CA10: variants seen among roughly 807,000 people sequenced by gnomAD.
CA10 encodes the protein carbonic anhydrase 10 (inactive).
A neutral mutation model predicts 44.2 loss-of-function variants in CA10; 14 were observed. The observed-to-expected ratio is 0.32, with a 90% CI of 0.21 to 0.50. CA10 has a LOEUF of 0.50. Ranked by LOEUF, CA10 falls within the 20% of genes least tolerant of loss-of-function variation. CA10 has a pLI of 0.99. For missense variants in CA10, 350 were observed against 409.7 expected (o/e 0.85, Z 1.26); for synonymous variants, 159 against 141.6 (o/e 1.12, Z -0.87).
intron 2 of CA10, among the ~76,000 whole-genome samples, chr17:52,046,429 T>A (rs1264735981): frequency 6.6e-6 from 1 of 151,764 alleles, no homozygotes; most frequent in Non-Finnish European, 1.5e-5. Flanking sequence ...ACTAAAAGGA[T>A]ATAATGAGTA....
intron 3 of CA10, among the ~76,000 whole-genome samples, chr17:51,882,387 T>C (rs1433222844): frequency 2.0e-5 from 3 of 152,156 alleles, no homozygotes; most frequent in East Asian, 3.9e-4. Flanking sequence ...CCACTTGAGA[T>C]TGCCTATCCC....
rs764012875 is a variant in CA10 at position 51,790,093 on chromosome 17, G to A, written c.280-42275C>T. ...GTTGCTGGAAATGGGAGGAGCCATCGTGCATCAGATGCTTGGACTAACCAA... is the reference window on the plus strand; with the variant it reads ...GTTGCTGGAAATGGGAGGAGCCATCATGCATCAGATGCTTGGACTAACCAA... On this transcript the variant is annotated intron_variant, in intron 3 of 8. Transcript: ENST00000451037. 1.1e-4 allele frequency among the ~76,000 whole-genome samples: 16 copies of A among 152,158 alleles called. No homozygotes were observed. The East Asian group carries it at 1.4e-3, about 13-fold the overall frequency.
At chr17:51,664,619 A>C (rs1478070723) in intron 4 of CA10, among the ~76,000 whole-genome samples, 1 of 151,590 alleles carries the variant, frequency 6.6e-6, no homozygotes, top group East Asian at 1.9e-4. Context: ...CTTTTGCCTG[A>C]GGTCTGAGCT....
At chr17:51,799,683 G>A (rs961582351) in intron 3 of CA10, among the ~76,000 whole-genome samples, 1 of 152,114 alleles carries the variant, frequency 6.6e-6, no homozygotes, top group Non-Finnish European at 1.5e-5. Flanking sequence ...TAGGGTAAAG[G>A]CTCAATAAAA....
rs75699430 is a variant in CA10 at position 52,025,766 on chromosome 17, A to C, written c.136+46553T>G. On this transcript the variant is annotated intron_variant, in intron 2 of 8. Transcript: ENST00000451037. ...GCATAAAATACCAGCCTTTTCAGCAAGTGATAGGCAACTTTGTTGATACAA... is the reference window on the plus strand; with the variant it reads ...GCATAAAATACCAGCCTTTTCAGCACGTGATAGGCAACTTTGTTGATACAA... Among the ~76,000 whole-genome samples the C allele has an allele frequency of 3.2e-3, 493 of 152,202 alleles. 11 individuals carry two copies. The East Asian group carries it at 0.05, about 16-fold the overall frequency.
At chr17:52,135,497 C>T (rs897633638) in intron 1 of CA10, among the ~76,000 whole-genome samples, 3 of 152,102 alleles carry the variant, frequency 2.0e-5, no homozygotes, top group Non-Finnish European at 2.9e-5. Context: ...CACAGGACCA[C>T]GTTTCTCCTT....
chr17:52,021,838 C>T (rs1986150586), intron 2 of CA10, among the ~76,000 whole-genome samples: 1 of 151,982 alleles, frequency 6.6e-6, no homozygotes, highest in Admixed American at 6.6e-5. Flanking sequence ...GCACAACCTT[C>T]AAATATTCAA....
intron 2 of CA10, among the ~76,000 whole-genome samples, chr17:52,070,132 A>G (rs1987640681): frequency 6.6e-6 from 1 of 152,182 alleles, no homozygotes; most frequent in Non-Finnish European, 1.5e-5. Context: ...AAAAGTTTAG[A>G]AAGTGGAATC....
At chr17:51,957,747 T>A (rs554258864) in intron 2 of CA10, among the ~76,000 whole-genome samples, 2 of 152,202 alleles carry the variant, frequency 1.3e-5, no homozygotes, top group African/African-American at 4.8e-5. Flanking sequence ...TATTCAACTA[T>A]TTTCTGCTCT....
At chr17:51,827,369 C>T (rs939108644) in intron 3 of CA10, among the ~76,000 whole-genome samples, 1 of 151,434 alleles carries the variant, frequency 6.6e-6, no homozygotes, top group African/African-American at 2.4e-5. Context: ...CACACACATA[C>T]ACACACACAC....
At chr17:51,684,215 T>C (rs1914936412) in intron 4 of CA10, among the ~76,000 whole-genome samples, 1 of 152,098 alleles carries the variant, frequency 6.6e-6, no homozygotes, top group South Asian at 2.1e-4. Flanking sequence ...CAACTGGCCA[T>C]TGCTGGCTTT....
intron 2 of CA10, among the ~76,000 whole-genome samples, chr17:51,975,365 A>G (rs1411042012): frequency 6.6e-6 from 1 of 152,244 alleles, no homozygotes; most frequent in Non-Finnish European, 1.5e-5. Context: ...AAAGGCAAAG[A>G]CTGTCAGATT....
At chr17:51,992,920 T>C (rs203037) in intron 2 of CA10, among the ~76,000 whole-genome samples, 79,310 of 152,004 alleles carry the variant, frequency 0.52, 22,047 homozygotes, top group African/African-American at 0.71. Context: ...GGTGAACTTG[T>C]CTTTAAAAAT....
chr17:51,708,430 T>G (rs1286970755), intron 4 of CA10, among the ~76,000 whole-genome samples: 1 of 152,224 alleles, frequency 6.6e-6, no homozygotes, highest in Non-Finnish European at 1.5e-5. Context: ...TTTTGCATCC[T>G]CATGTTGAGG....
chr17:51,891,567 G>A (rs1485829401), intron 3 of CA10, among the ~76,000 whole-genome samples: 7 of 152,218 alleles, frequency 4.6e-5, no homozygotes, highest in African/African-American at 1.4e-4. Context: ...CAGGGTTTAC[G>A]TTTTACTTGG....
intron 3 of CA10, among the ~76,000 whole-genome samples, chr17:51,881,801 G>T (rs1212022394): frequency 5.9e-5 from 9 of 152,202 alleles, no homozygotes; most frequent in African/African-American, 1.9e-4. Context: ...GGGTAGGAAC[G>T]GAACATCTTT....
At chr17:52,041,043 G>T (rs1986754470) in intron 2 of CA10, among the ~76,000 whole-genome samples, 2 of 152,014 alleles carry the variant, frequency 1.3e-5, no homozygotes, top group South Asian at 2.1e-4. Context: ...GCATGGTCTT[G>T]GTAGAGGAGC....
chr17:51,728,909 T>G (rs1047861952), intron 4 of CA10, among the ~76,000 whole-genome samples: 2 of 152,274 alleles, frequency 1.3e-5, no homozygotes, highest in South Asian at 2.1e-4. Flanking sequence ...AACTAAGTGA[T>G]GTGATTGTGA....
Position 52,054,541 on chromosome 17 carries a change from G to C in CA10, c.136+17778C>G, listed in dbSNP as rs1987170063. Among the ~76,000 whole-genome samples the C allele has an allele frequency of 2.0e-5, 3 of 152,040 alleles. No individual in the cohort carries two copies. In the South Asian group the frequency reaches 6.2e-4, roughly 32 times the overall value. ...ACCTTGTAAAACATGTGATCTCTGT[G>C]ACCCATACCCTAATTGTACACTCCC... On this transcript the variant is annotated intron_variant, in intron 2 of 8. Transcript: ENST00000451037.
Sources: allele counts gnomAD v4.1 joint callset (sites outside exome capture counted in the v4.1 genomes callset), GRCh38; gene constraint gnomAD v4.1.1; transcripts MANE v1.5; gene names NCBI Gene and HGNC (gene_info 2026-07-23, HGNC 2026-07-21).